Variants in DLG1 observed in about 807,000 individuals in gnomAD.
DLG1 encodes the protein disks large homolog 1.
DLG1 carries 42 observed loss-of-function variants against 123.4 expected under a neutral mutation model. The observed-to-expected ratio is 0.34, with a 90% confidence interval of 0.27 to 0.44. DLG1 has a LOEUF of 0.44. Ranked by LOEUF, DLG1 falls within the 20% of genes least tolerant of loss-of-function variation. The pLI is 1.00. For synonymous variants in DLG1, 317 were observed against 356.2 expected (o/e 0.89, Z 1.24); for missense variants, 942 against 1,082.6 (o/e 0.87, Z 1.82).
Position 197,296,517 on chromosome 3 carries a change from T to C in DLG1, c.20-40A>G, listed in dbSNP as rs1174783818. 3.1e-6 allele frequency: 5 copies of C among 1,597,850 alleles called. No individual in the cohort carries two copies. In the African/African-American group the frequency reaches 6.7e-5, roughly 22 times the overall value. ...CAGAGCCTGATTAAAACTCTCTATT[T>C]ACAAAAAAAGTATCACATACTAGTG... On this transcript the variant is annotated intron_variant, in intron 2 of 24. Transcript: ENST00000667157.
intron 5 of DLG1, among the ~76,000 whole-genome samples, chr3:197,191,625 T>C (rs934959373): frequency 6.6e-6 from 1 of 152,084 alleles, no homozygotes; most frequent in African/African-American, 2.4e-5. Context: ...TGGACAAAAA[T>C]AATAAATAAA....
chr3:197,177,256 AGC>A (rs1194851535), intron 5 of DLG1, among the ~76,000 whole-genome samples: 7 of 152,160 alleles, frequency 4.6e-5, no homozygotes, highest in Admixed American at 1.3e-4. Context: ...CCAGTACAAC[AGC>A]GTTTCCATCC....
intron 4 of DLG1, among the ~76,000 whole-genome samples, chr3:197,242,035 T>C (rs1276583830): frequency 6.6e-6 from 1 of 152,036 alleles, no homozygotes; most frequent in Non-Finnish European, 1.5e-5. Flanking sequence ...AAGACCCAAT[T>C]CCATGCTGTC....
intron 4 of DLG1, among the ~76,000 whole-genome samples, chr3:197,204,773 T>C (rs1365596466): frequency 6.6e-6 from 1 of 152,180 alleles, no homozygotes; most frequent in Non-Finnish European, 1.5e-5. Flanking sequence ...TACAGGAGGA[T>C]GTGCACGGGT....
chr3:197,088,808 C>T (rs1755957096), intron 15 of DLG1, among the ~76,000 whole-genome samples: 1 of 152,086 alleles, frequency 6.6e-6, no homozygotes, highest in African/African-American at 2.4e-5. Context: ...AAATAAAATG[C>T]AAGACAATTA....
At chr3:197,210,070 G>C (rs1235624709) in intron 4 of DLG1, among the ~76,000 whole-genome samples, 1 of 146,298 alleles carries the variant, frequency 6.8e-6, no homozygotes, top group Non-Finnish European at 1.5e-5. Flanking sequence ...CCATAACTGT[G>C]AGTATAATAG....
intron 19 of DLG1, among the ~76,000 whole-genome samples, chr3:197,067,610 T>G (rs1231365576): frequency 7.3e-6 from 1 of 136,202 alleles, no homozygotes; most frequent in African/African-American, 2.9e-5. Flanking sequence ...TAGTCTGGAG[T>G]GCAATGGCAT....
chr3:197,176,198 ATAT>A (rs1806968429), intron 5 of DLG1, among the ~76,000 whole-genome samples: 1 of 152,134 alleles, frequency 6.6e-6, no homozygotes, highest in South Asian at 2.1e-4. Context: ...TAGACTTTAT[ATAT>A]TTTTTTAGAG....
intron 14 of DLG1, among the ~76,000 whole-genome samples, chr3:197,099,579 G>A (rs1217675556): frequency 1.3e-5 from 2 of 152,136 alleles, no homozygotes; most frequent in African/African-American, 4.8e-5. Flanking sequence ...GCTTATACAA[G>A]GAGAGATATT....
intron 4 of DLG1, among the ~76,000 whole-genome samples, chr3:197,195,427 T>C (rs1721953763): frequency 6.6e-6 from 1 of 152,078 alleles, no homozygotes; most frequent in Non-Finnish European, 1.5e-5. Flanking sequence ...AGAAGACACA[T>C]GCATGTTCAC....
chr3:197,297,470 C>T (rs1778030566), intron 1 of DLG1: 4 of 1,333,838 alleles, frequency 3.0e-6, no homozygotes, highest in South Asian at 1.6e-5. Context: ...AAACTCTCCT[C>T]GAAAGCGTCC....
chr3:197,162,054 G>A (rs1409823604), intron 5 of DLG1, among the ~76,000 whole-genome samples: 1 of 152,092 alleles, frequency 6.6e-6, no homozygotes, highest in Non-Finnish European at 1.5e-5. Context: ...TTGCTTCATA[G>A]ACAGACTGCA....
At chr3:197,075,844 T>C in intron 18 of DLG1, 1 of 1,611,886 alleles carries the variant, frequency 6.2e-7, no homozygotes, top group Non-Finnish European at 8.5e-7. Flanking sequence ...TACTCAGGCC[T>C]TTTGATCCCA....
chr3:197,298,351 G>A (rs1778528747), intron 1 of DLG1, 185 bp downstream of exon 1: 1 of 397,046 alleles, frequency 2.5e-6, no homozygotes, highest in Non-Finnish European at 4.4e-6. Flanking sequence ...GTGGCTCTGA[G>A]AACAAAGGAG....
At chr3:197,213,464 T>C (rs1320620469) in intron 4 of DLG1, among the ~76,000 whole-genome samples, 1 of 152,206 alleles carries the variant, frequency 6.6e-6, no homozygotes, top group Admixed American at 6.5e-5. Context: ...AAATACTCTG[T>C]ATCTCAACTA....
At chr3:197,190,349 C>A (rs1233285331) in intron 5 of DLG1, among the ~76,000 whole-genome samples, 1 of 151,464 alleles carries the variant, frequency 6.6e-6, no homozygotes, top group Non-Finnish European at 1.5e-5. Context: ...CGTGAATCCT[C>A]GCATACTGTA....
At position 197,174,104 on chromosome 3, in the gene DLG1, T is replaced by G. The variant is rs529407604; in HGVS notation, c.483+20321A>C. ...TCTCAAAAACAAAACAAAACATTTATTTACAAAAACAGGTGGCAGGCTACA... is the reference window on the plus strand; with the variant it reads ...TCTCAAAAACAAAACAAAACATTTAGTTACAAAAACAGGTGGCAGGCTACA... On this transcript the variant is annotated intron_variant, in intron 5 of 24. Coordinates refer to ENST00000667157, the MANE Select transcript of DLG1 (RefSeq NM_001366207.1). Among the ~76,000 whole-genome samples, 8 of 152,238 alleles carry G rather than the reference T, an allele frequency of 5.3e-5. No individual in the cohort carries two copies. In the East Asian group the frequency reaches 1.5e-3, roughly 29 times the overall value.
chr3:197,126,973 G>A (rs542100359), intron 11 of DLG1, among the ~76,000 whole-genome samples: 10 of 152,182 alleles, frequency 6.6e-5, no homozygotes, highest in Non-Finnish European at 1.3e-4. Flanking sequence ...GCACTCAAAA[G>A]CAGGTTATAC....
At chr3:197,061,995 C>T (rs148102594) in intron 22 of DLG1, among the ~76,000 whole-genome samples, 13 of 152,244 alleles carry the variant, frequency 8.5e-5, no homozygotes, top group Middle Eastern at 6.8e-3. Flanking sequence ...TACCACCATG[C>T]GGTTTTCAAA....
Sources: gnomAD v4.1 joint callset for allele counts (sites outside exome capture counted in the v4.1 genomes callset) on GRCh38, gnomAD v4.1.1 for gene constraint, MANE v1.5 for transcripts, NCBI Gene and HGNC (gene_info 2026-07-23, HGNC 2026-07-21) for gene names.